The following PCDHA3 variants were observed in gnomAD, a reference collection of about 807,000 sequenced individuals.
The protein encoded by PCDHA3 is protocadherin alpha-3.
In PCDHA3, 41 loss-of-function variants were observed where a neutral mutation model predicts 62.2. The observed-to-expected ratio is 0.66, with a 90% confidence interval of 0.51 to 0.86. PCDHA3 has a LOEUF of 0.86. PCDHA3 is among the 40% of genes least tolerant of loss of function. The pLI, the probability that PCDHA3 is intolerant of heterozygous loss-of-function variation, is 0.00. For missense variants in PCDHA3, 1,304 were observed against 1,241.2 expected (o/e 1.05, Z -0.76); for synonymous variants, 640 against 555.4 (o/e 1.15, Z -2.14).
At position 140,835,897 on chromosome 5, in the gene PCDHA3, C is replaced by G. The variant is rs2150247732; in HGVS notation, c.2394+32306C>G. The G allele has an allele frequency of 2.6e-5, 42 of 1,611,960 alleles. No homozygotes were observed. Among genetic ancestry groups the G allele is most frequent in the Middle Eastern group, 4.0e-4 (2 of 4,944 alleles). On this transcript the variant is annotated intron_variant, in intron 1 of 3. Coordinates refer to ENST00000522353, the MANE Select transcript of PCDHA3 (RefSeq NM_018906.3). ...CTGCGGGTGGGCGAGCGCGCGCTGT[C>G]GAGCTACGTGTCAGTGCACGCGGAG...
In PCDHA3 at chr5:140,870,563, C is replaced by G. The variant is rs1333019449; in HGVS notation, c.2394+66972C>G. The G allele has an allele frequency of 6.2e-6, 10 of 1,613,994 alleles. No individual in the cohort carries two copies. Among genetic ancestry groups the G allele is most frequent in the Non-Finnish European group, 8.5e-6 (10 of 1,179,984 alleles). ...CGGGACGCGGACGCGCAGGAGAACG[C>G]GCTGGTGTCCTACTCGCTGGTGGAG... On this transcript the variant is annotated intron_variant, in intron 1 of 3. Transcript: ENST00000522353.
At chr5:140,808,070 A>G (rs1764091333) in intron 1 of PCDHA3, 2 of 1,614,124 alleles carry the variant, frequency 1.2e-6, no homozygotes, top group Non-Finnish European at 8.5e-7. Context: ...CAAGTTTCAC[A>G]TAGATCCAAT....
At chr5:140,827,441 C>T (rs1769294001) in intron 1 of PCDHA3, among the ~76,000 whole-genome samples, 2 of 152,198 alleles carry the variant, frequency 1.3e-5, no homozygotes, top group Non-Finnish European at 2.9e-5. Context: ...CATCATTACA[C>T]AGAAGAACCT....
chr5:140,964,560 TGGGAGGAGATAAG>T (rs2095840156), intron 1 of PCDHA3, among the ~76,000 whole-genome samples: 1 of 152,082 alleles, frequency 6.6e-6, no homozygotes, highest in Admixed American at 6.6e-5. Context: ...CTTGGAGGGC[TGGGAGGAGATAAG>T]GGGAGGAAAG....
intron 1 of PCDHA3, among the ~76,000 whole-genome samples, chr5:140,888,140 G>A (rs2061708866): frequency 1.3e-5 from 2 of 152,080 alleles, no homozygotes; most frequent in Admixed American, 1.3e-4. Context: ...TTTTCTTGCT[G>A]TTTTGCATGA....
chr5:140,869,407 T>C, intron 1 of PCDHA3: 3 of 1,614,120 alleles, frequency 1.9e-6, no homozygotes, highest in Non-Finnish European at 2.5e-6. Context: ...GAGCGCGGAG[T>C]GCAGCATCCA....
At chr5:141,003,052 A>G (rs782531629) in intron 3 of PCDHA3, among the ~76,000 whole-genome samples, 17 of 152,230 alleles carry the variant, frequency 1.1e-4, no homozygotes, top group Non-Finnish European at 1.9e-4. Context: ...CCTTAACAGA[A>G]CAGTTCCAAA....
chr5:140,929,497 C>A, intron 1 of PCDHA3: 1 of 977,560 alleles, frequency 1.0e-6, no homozygotes, highest in Non-Finnish European at 1.4e-6. Context: ...TAGAAGATTG[C>A]CCTAGGCCTC....
chr5:140,807,729 A>C (rs1554124228), intron 1 of PCDHA3: 7 of 1,614,208 alleles, frequency 4.3e-6, no homozygotes, highest in Non-Finnish European at 5.9e-6. Context: ...TTTTCTCTGG[A>C]AAAACCACCT....
intron 1 of PCDHA3, chr5:140,851,314 C>G (rs1276562311): frequency 1.0e-6 from 1 of 997,874 alleles, no homozygotes; most frequent in Non-Finnish European, 1.2e-6. Context: ...CAATTGTTAC[C>G]TTGTTAAGTT....
intron 1 of PCDHA3, chr5:140,828,197 C>T (rs2150152294): frequency 1.9e-6 from 3 of 1,614,076 alleles, no homozygotes; most frequent in East Asian, 2.2e-5. Context: ...CTACTCCGTA[C>T]CCGAGGAGGC....
At chr5:140,843,113 G>C (rs1234618172) in intron 1 of PCDHA3, 1 of 1,595,750 alleles carries the variant, frequency 6.3e-7, no homozygotes, top group African/African-American at 1.3e-5. Flanking sequence ...GCGCGCAGTG[G>C]ACGCCGACTC....
chr5:140,922,162 A>G (rs2080680842), intron 1 of PCDHA3, among the ~76,000 whole-genome samples: 1 of 146,764 alleles, frequency 6.8e-6, no homozygotes, highest in African/African-American at 2.5e-5. Flanking sequence ...AAAAACAACA[A>G]AAAGTACAGC....
chr5:140,964,556 G>A (rs2095839745), intron 1 of PCDHA3, among the ~76,000 whole-genome samples: 1 of 152,166 alleles, frequency 6.6e-6, no homozygotes. Context: ...GCGACTTGGA[G>A]GGCTGGGAGG....
intron 1 of PCDHA3, chr5:140,849,708 T>C (rs2150445968): frequency 6.3e-7 from 1 of 1,598,586 alleles, no homozygotes; most frequent in East Asian, 2.2e-5. Flanking sequence ...CAAGAATTAC[T>C]ACTCGTTGGT....
chr5:140,974,182 A>G (rs2096618692), intron 1 of PCDHA3, among the ~76,000 whole-genome samples: 1 of 152,248 alleles, frequency 6.6e-6, no homozygotes, highest in Non-Finnish European at 1.5e-5. Context: ...AACTTGACAA[A>G]TGCAAAGGAA....
At chr5:140,841,772 C>G (rs1359107093) in intron 1 of PCDHA3, 2 of 1,613,876 alleles carry the variant, frequency 1.2e-6, no homozygotes, top group Admixed American at 3.3e-5. Flanking sequence ...GCCAGACTCT[C>G]GGTTTCCGCT....
At chr5:141,007,677 T>C (rs2098339934) in intron 3 of PCDHA3, among the ~76,000 whole-genome samples, 1 of 152,158 alleles carries the variant, frequency 6.6e-6, no homozygotes, top group South Asian at 2.1e-4. Flanking sequence ...AGACAAAAGT[T>C]ATCCTACTTC....
chr5:140,967,775 G>A, intron 1 of PCDHA3: 2 of 1,614,200 alleles, frequency 1.2e-6, no homozygotes, highest in South Asian at 2.2e-5. Context: ...CTATGTGCAG[G>A]CGACTGACCG....
Sources: allele counts gnomAD v4.1 joint callset (sites outside exome capture counted in the v4.1 genomes callset), GRCh38; gene constraint gnomAD v4.1.1; transcripts MANE v1.5; gene names NCBI Gene and HGNC (gene_info 2026-07-23, HGNC 2026-07-21).